The following NANP variants were observed in gnomAD, a reference collection of about 807,000 sequenced individuals.
The protein encoded by NANP is N-acetylneuraminic acid phosphatase, also known as N-acylneuraminate-9-phosphatase.
Under a neutral mutation model 16.9 loss-of-function variants are expected in NANP, and 15 were observed. The observed-to-expected ratio is 0.89, with a 90% CI of 0.59 to 1.37. The LOEUF (loss-of-function observed/expected upper bound fraction) is 1.37, where lower values mean the gene tolerates loss of function less well. Among genes scored for constraint, NANP ranks in the 40% most tolerant of loss-of-function variants. NANP has a pLI of 0.00. For missense variants in NANP, 290 were observed against 303.5 expected, an observed-to-expected ratio of 0.96 and a Z score of 0.33; for synonymous variants, 135 against 112.6, an observed-to-expected ratio of 1.20 and a Z score of -1.26.
Position 25,616,420 on chromosome 20 carries a change from T to TAG in NANP, c.251_252insCT (p.Lys84AsnfsTer2). The TAG allele has an allele frequency of 1.2e-6, 2 of 1,614,138 alleles. No homozygotes were observed. Among genetic ancestry groups the TAG allele is most frequent in the Non-Finnish European group, 1.7e-6 (2 of 1,180,018 alleles). ...CCAATTTTCTATTGGCTGCACCACC[T>TAG]TTTGTTTCCTGGATTGCTTCTTCCC... On this transcript the variant is annotated frameshift_variant, in exon 2 of 2. Transcript: ENST00000304788. LOFTEE classifies it high-confidence loss of function.
rs887588557 is a variant in NANP at position 25,614,186 on chromosome 20, A to C, written c.*1739T>G. 2 of 204,958 alleles carry C rather than the reference A, an allele frequency of 9.8e-6. No homozygotes were observed. The highest frequency in any genetic ancestry group is 2.1e-4 in the East Asian group (2 of 9,360). 12.7% of individuals were successfully genotyped at this position (204,958 alleles called of 1,614,324 possible). A position where few individuals can be genotyped will look rare whatever the true frequency, so the allele number is the denominator to read the frequency against. Reference sequence around the variant, plus strand: ...GAGGCAGAGAATTCTGTTTCTTGGCAGTAGACAGAAAACTGGCTAAAGAAA... The same window carrying C: ...GAGGCAGAGAATTCTGTTTCTTGGCCGTAGACAGAAAACTGGCTAAAGAAA... On this transcript the variant is annotated 3_prime_UTR_variant, in exon 2 of 2. Coordinates refer to ENST00000304788, the MANE Select transcript of NANP (RefSeq NM_152667.3).
chr20:25,623,280 A>T (rs2065374300), intron 1 of NANP, among the ~76,000 whole-genome samples: 1 of 152,192 alleles, frequency 6.6e-6, no homozygotes, highest in Non-Finnish European at 1.5e-5. Context: ...TTGCTGTGTC[A>T]CGTGTCAGAA....
intron 1 of NANP, among the ~76,000 whole-genome samples, chr20:25,618,822 G>A (rs1187238596): frequency 2.6e-5 from 4 of 152,010 alleles, no homozygotes; most frequent in Non-Finnish European, 5.9e-5. Context: ...GCTCTAACCC[G>A]TATTGGACTC....
Position 25,616,582 on chromosome 20 carries a change from C to G in NANP, c.91-1G>C. ...ATTTTGATTGTAAGAGTTTTATCAC[C>G]TAAATAATGGAAAATAACTCCATTA... On this transcript the variant is annotated splice_acceptor_variant, in intron 1 of 1. Coordinates refer to ENST00000304788, the MANE Select transcript of NANP (RefSeq NM_152667.3). LOFTEE classifies it high-confidence loss of function. 1 of 1,570,832 alleles carries G rather than the reference C, an allele frequency of 6.4e-7. No individual in the cohort carries two copies. Among genetic ancestry groups the G allele is most frequent in the South Asian group, 1.2e-5 (1 of 84,870 alleles).
Position 25,616,302 on chromosome 20 carries a change from C to T in NANP, c.370G>A (p.Glu124Lys). 1 of 1,614,172 alleles carries T rather than the reference C, an allele frequency of 6.2e-7. No homozygotes were observed. Among genetic ancestry groups the T allele is most frequent in the Non-Finnish European group, 8.5e-7 (1 of 1,180,018 alleles). Residue 124 changes from glutamate (E) to lysine (K), a missense_variant, in exon 2 of 2, where the codon GAG (glutamate) becomes AAG (lysine). Coordinates refer to ENST00000304788, the MANE Select transcript of NANP (RefSeq NM_152667.3). ...VKAMLTELRK[E>K]VRLLLLTNGD... Reference sequence around the variant, plus strand: ...TTCGTTAATAGAAGTAGGCGGACCTCCTTTCGAAGTTCAGTAAGCATGGCT... The same window carrying T: ...TTCGTTAATAGAAGTAGGCGGACCTTCTTTCGAAGTTCAGTAAGCATGGCT...
rs1190479730 is a variant in NANP, at chr20:25,615,959, T to C, written c.713A>G (p.Gln238Arg). Residue 238 changes from glutamine to arginine, a missense_variant, in exon 2 of 2, where the codon CAA becomes CGA. By Grantham distance (43) the Gln-to-Arg change is conservative. Coordinates refer to ENST00000304788, the MANE Select transcript of NANP (RefSeq NM_152667.3). ...CATACTGACTTTGCAGTCTATACTT[T>C]GTAAGAGAGCAGGTAACTCTAGCAC... ...SSVLELPALL[Q>R]SIDCKVSMST 1 of 1,614,024 alleles carries C rather than the reference T, an allele frequency of 6.2e-7. No homozygotes were observed. Among genetic ancestry groups the C allele is most frequent in the South Asian group, 1.1e-5 (1 of 91,046 alleles).
intron 1 of NANP, among the ~76,000 whole-genome samples, chr20:25,616,807 T>C (rs2065345704): frequency 6.6e-6 from 1 of 152,194 alleles, no homozygotes; most frequent in Admixed American, 6.5e-5. Context: ...AGCCAACTTC[T>C]TCATATATAG....
In NANP at chr20:25,615,692, T is replaced by C. The variant is rs1359071129; in HGVS notation, c.*233A>G. On this transcript the variant is annotated 3_prime_UTR_variant, in exon 2 of 2. Transcript: ENST00000304788. ...ATATTTCCTTAAATTTTCTGGGCTATACTACTGACCTGAATTCATGCAATC... is the reference window on the plus strand; with the variant it reads ...ATATTTCCTTAAATTTTCTGGGCTACACTACTGACCTGAATTCATGCAATC... 1.1e-5 allele frequency: 5 copies of C among 476,152 alleles called. No individual in the cohort carries two copies. The highest frequency in any genetic ancestry group is 6.8e-5 in the East Asian group (2 of 29,392). The allele number at this position is 476,152 out of a possible 1,614,324, so 29.5% of individuals were successfully genotyped here. A position where few individuals can be genotyped will look rare whatever the true frequency, so the allele number is the denominator to read the frequency against.
At chr20:25,619,705 G>C (rs1331862866) in intron 1 of NANP, among the ~76,000 whole-genome samples, 1 of 152,180 alleles carries the variant, frequency 6.6e-6, no homozygotes, top group Non-Finnish European at 1.5e-5. Context: ...CTTAAGCTAT[G>C]ATTGACAGGA....
chr20:25,620,544 T>G (rs1163886447), intron 1 of NANP, among the ~76,000 whole-genome samples: 1 of 152,228 alleles, frequency 6.6e-6, no homozygotes, highest in African/African-American at 2.4e-5. Flanking sequence ...TTTGAGGGCT[T>G]AGTTTGGAAC....
At chr20:25,616,670 A>G (rs2065345354) in intron 1 of NANP, 89 bp from the exon 2 acceptor site, 1 of 1,019,342 alleles carries the variant, frequency 9.8e-7, no homozygotes, top group Non-Finnish European at 1.4e-6. Context: ...TGGCTGAGAG[A>G]GTCCAACTCC....
rs942629376 is a variant in NANP at position 25,613,552 on chromosome 20, A to C, written c.*2373T>G. On this transcript the variant is annotated 3_prime_UTR_variant, in exon 2 of 2. Coordinates refer to ENST00000304788, the MANE Select transcript of NANP (RefSeq NM_152667.3). Reference sequence around the variant, plus strand: ...AAAACATCACCCATAATTTTAAGGAATATTATTCTAAAACAAAAAATATTA... The same window carrying C: ...AAAACATCACCCATAATTTTAAGGACTATTATTCTAAAACAAAAAATATTA... The C allele has an allele frequency of 1.2e-5, 4 of 346,400 alleles. No homozygotes were observed. The highest frequency in any genetic ancestry group is 8.4e-5 in the African/African-American group (4 of 47,428). The allele number at this position is 346,400 out of a possible 1,614,324, so 21.5% of individuals were successfully genotyped here. A position where few individuals can be genotyped will look rare whatever the true frequency, so the allele number is the denominator to read the frequency against.
intron 1 of NANP, among the ~76,000 whole-genome samples, chr20:25,620,319 C>T (rs577368350): frequency 6.6e-6 from 1 of 152,126 alleles, no homozygotes; most frequent in African/African-American, 2.4e-5. Context: ...ACAAGGTGCT[C>T]GCTGGCCTGA....
At position 25,613,100 on chromosome 20, in the gene NANP, A is replaced by G. The variant is rs367887833; in HGVS notation, c.*2825T>C. ...ACATATAAAACTGGATCCCATACAC[A>G]TATTAATGTTATACTATAAAATGTT... is the stretch of plus-strand genomic sequence containing the variant. On this transcript the variant is annotated 3_prime_UTR_variant, in exon 2 of 2. Coordinates refer to ENST00000304788, the MANE Select transcript of NANP (RefSeq NM_152667.3). 3 of 152,084 alleles carry G rather than the reference A, an allele frequency of 2.0e-5. No homozygotes were observed. The South Asian group carries it at 6.2e-4, about 32-fold the overall frequency. The allele number at this position is 152,084 out of a possible 1,614,324, so 9.4% of individuals were successfully genotyped here.
intron 1 of NANP, among the ~76,000 whole-genome samples, chr20:25,621,224 G>T (rs917026187): frequency 1.2e-4 from 19 of 152,118 alleles, no homozygotes; most frequent in Admixed American, 1.1e-3. Flanking sequence ...GGCCAAATCT[G>T]ACCAGTCTAT....
intron 1 of NANP, among the ~76,000 whole-genome samples, chr20:25,619,745 T>C (rs546549257): frequency 3.9e-5 from 6 of 152,330 alleles, no homozygotes; most frequent in East Asian, 1.9e-4. Flanking sequence ...CCTACAGCAG[T>C]GCAAGGACAC....
chr20:25,621,744 G>A (rs2065365070), intron 1 of NANP, among the ~76,000 whole-genome samples: 1 of 152,112 alleles, frequency 6.6e-6, no homozygotes, highest in African/African-American at 2.4e-5. Context: ...TAGTAGAGAC[G>A]GGGTTTCACC....
At chr20:25,622,838 G>A (rs187170462) in intron 1 of NANP, among the ~76,000 whole-genome samples, 23 of 152,298 alleles carry the variant, frequency 1.5e-4, no homozygotes, top group Admixed American at 3.9e-4. Context: ...GGAGATAACG[G>A]GTATAGATTT....
In NANP at chr20:25,615,932, G is replaced by T. The variant is rs1201316505; in HGVS notation, c.740C>A (p.Ser247Tyr). The T allele has an allele frequency of 6.2e-7, 1 of 1,608,710 alleles. No homozygotes were observed. Among genetic ancestry groups the T allele is most frequent in the Admixed American group, 1.7e-5 (1 of 59,428 alleles). Residue 247 changes from serine to tyrosine, a missense_variant, in exon 2 of 2, where the codon TCC becomes TAC. Coordinates refer to ENST00000304788, the MANE Select transcript of NANP (RefSeq NM_152667.3). The stretch of plus-strand genomic sequence containing the variant: ...CATGCCCTTTTATGTGCTTTAAGTG[G>T]ACATACTGACTTTGCAGTCTATACT... The part of the protein sequence containing the change: ...LQSIDCKVSM[S>Y]T
Sources: allele counts gnomAD v4.1 joint callset (sites outside exome capture counted in the v4.1 genomes callset), GRCh38; gene constraint gnomAD v4.1.1; transcripts MANE v1.5; gene names NCBI Gene and HGNC (gene_info 2026-07-23, HGNC 2026-07-21).